HDAC9: variants seen among roughly 807,000 people sequenced by gnomAD.
HDAC9 encodes the protein histone deacetylase 9, also known as MEF-2 interacting transcription repressor (MITR) protein.
Under a neutral mutation model 139.4 loss-of-function variants are expected in HDAC9, and 41 were observed. The ratio of observed to expected loss-of-function variants is 0.29; its 90% CI spans 0.23 to 0.38. HDAC9 has a LOEUF of 0.38. Ranked by LOEUF, HDAC9 falls within the 10% of genes least tolerant of loss-of-function variation. The pLI, the probability that HDAC9 is intolerant of heterozygous loss-of-function variation, is 1.00. For missense variants in HDAC9, 1,147 were observed against 1,297.0 expected (o/e 0.88, Z 1.78); for synonymous variants, 517 against 476.2 (o/e 1.09, Z -1.12).
At chr7:18,314,556 T>C (rs563551620) in intron 1 of HDAC9, among the ~76,000 whole-genome samples, 1 of 152,322 alleles carries the variant, frequency 6.6e-6, no homozygotes, top group African/African-American at 2.4e-5. Context: ...CAAGAAAATC[T>C]AGAAGAGTTT....
At chr7:18,495,301 G>A (rs1796710363), upstream of HDAC9, among the ~76,000 whole-genome samples, 1 of 152,048 alleles carries the variant, frequency 6.6e-6, no homozygotes, top group Non-Finnish European at 1.5e-5. Context: ...TATTATTTTA[G>A]AACCAATACA....
chr7:18,704,402 T>A (rs1246316838), intron 12 of HDAC9, among the ~76,000 whole-genome samples: 1 of 152,242 alleles, frequency 6.6e-6, no homozygotes, highest in South Asian at 2.1e-4. Flanking sequence ...TTCTGTGTAC[T>A]GCAGAAAACT....
chr7:18,866,906 T>G (rs1798544905), intron 21 of HDAC9, among the ~76,000 whole-genome samples: 1 of 152,170 alleles, frequency 6.6e-6, no homozygotes, highest in Non-Finnish European at 1.5e-5. Flanking sequence ...AACCAATTGT[T>G]TGGCCATTGA....
intron 22 of HDAC9, among the ~76,000 whole-genome samples, chr7:18,914,772 C>G (rs553428280): frequency 7.3e-5 from 10 of 137,330 alleles, no homozygotes; most frequent in Non-Finnish European, 1.7e-5. Context: ...AAGGTCATTA[C>G]GCTGGGAGAG....
chr7:18,482,297 T>A (rs1444048458), intron 1 of HDAC9, among the ~76,000 whole-genome samples: 1 of 144,182 alleles, frequency 6.9e-6, no homozygotes, highest in Non-Finnish European at 1.5e-5. Flanking sequence ...CAATTTCAGC[T>A]GCTTGAGAGG....
chr7:18,637,218 G>C (rs1198276055), intron 8 of HDAC9, among the ~76,000 whole-genome samples: 1 of 152,002 alleles, frequency 6.6e-6, no homozygotes, highest in East Asian at 1.9e-4. Flanking sequence ...TTACCTTTCA[G>C]GGGGGAAGAA....
At chr7:18,134,260 C>T (rs907462979) in intron 1 of HDAC9, among the ~76,000 whole-genome samples, 2 of 152,054 alleles carry the variant, frequency 1.3e-5, no homozygotes, top group Admixed American at 1.3e-4. Flanking sequence ...CAAGTATATA[C>T]CTGCTTTATT....
intron 2 of HDAC9, among the ~76,000 whole-genome samples, chr7:18,199,077 A>G (rs1476403100): frequency 6.6e-6 from 1 of 151,976 alleles, no homozygotes; most frequent in Non-Finnish European, 1.5e-5. Context: ...GCTTTTTGTC[A>G]TTAAGTTTTT....
At chr7:18,724,446 A>T (rs1275657217) in intron 12 of HDAC9, among the ~76,000 whole-genome samples, 1 of 152,182 alleles carries the variant, frequency 6.6e-6, no homozygotes, top group Non-Finnish European at 1.5e-5. Flanking sequence ...GTAAAACATA[A>T]TATACCTGGA....
intron 11 of HDAC9, among the ~76,000 whole-genome samples, chr7:18,657,240 T>C (rs1408462127): frequency 6.6e-6 from 1 of 152,176 alleles, no homozygotes; most frequent in Non-Finnish European, 1.5e-5. Flanking sequence ...AGCTTCATTT[T>C]GCTGATTGTT....
intron 21 of HDAC9, among the ~76,000 whole-genome samples, chr7:18,862,397 A>G (rs1798178526): frequency 6.6e-6 from 1 of 152,214 alleles, no homozygotes. Context: ...CTCATATAAT[A>G]GTTGAAACTA....
chr7:18,371,985 C>T (rs572035490), intron 1 of HDAC9, among the ~76,000 whole-genome samples: 1 of 152,076 alleles, frequency 6.6e-6, no homozygotes, highest in Non-Finnish European at 1.5e-5. Flanking sequence ...ACTTAGGGAC[C>T]CTTTGGATTA....
intron 2 of HDAC9, among the ~76,000 whole-genome samples, chr7:18,530,617 T>G (rs1334725311): frequency 1.3e-5 from 2 of 152,084 alleles, no homozygotes; most frequent in Non-Finnish European, 2.9e-5. Flanking sequence ...TATTTTACAT[T>G]CATTAACTTT....
rs542585019 is a variant in HDAC9, at chr7:18,239,833, A to T, written c.25+77484A>T. On this transcript the variant is annotated intron_variant, in intron 2 of 12. Transcript: ENST00000417496. ...ATCCCCTTTTATCACAATACTGGGT[A>T]AAAGTTCCAAGGTAAGTAGGCAAAT... 7.2e-5 allele frequency among the ~76,000 whole-genome samples: 11 copies of T among 152,296 alleles called. No homozygotes were observed. The South Asian group carries it at 2.3e-3, about 32-fold the overall frequency.
chr7:18,257,686 T>C (rs969006285), intron 2 of HDAC9, among the ~76,000 whole-genome samples: 6 of 152,196 alleles, frequency 3.9e-5, no homozygotes, highest in Non-Finnish European at 8.8e-5. Context: ...AAATAAATCT[T>C]TTCTGTAGGT....
intron 12 of HDAC9, among the ~76,000 whole-genome samples, chr7:18,708,408 TCTAA>T (rs1234634014): frequency 2.6e-5 from 4 of 152,214 alleles, no homozygotes; most frequent in Admixed American, 6.5e-5. Flanking sequence ...CATGGCTTTC[TCTAA>T]CTGTCACATG....
intron 2 of HDAC9, among the ~76,000 whole-genome samples, chr7:18,179,623 G>A (rs564374357): frequency 2.0e-5 from 3 of 152,014 alleles, no homozygotes; most frequent in Non-Finnish European, 4.4e-5. Context: ...AAACCCAAAC[G>A]TCTTTTCTTT....
chr7:18,414,088 A>G (rs1013931111), intron 1 of HDAC9, among the ~76,000 whole-genome samples: 1 of 152,210 alleles, frequency 6.6e-6, no homozygotes, highest in African/African-American at 2.4e-5. Context: ...GAGGTGCTGT[A>G]ACTAGAATGC....
chr7:18,236,878 T>C (rs1398411935), intron 2 of HDAC9, among the ~76,000 whole-genome samples: 1 of 152,192 alleles, frequency 6.6e-6, no homozygotes, highest in Non-Finnish European at 1.5e-5. Flanking sequence ...GACCTGATTG[T>C]GCTTAGTGCT....
Sources: gnomAD v4.1 joint callset for allele counts (sites outside exome capture counted in the v4.1 genomes callset) on GRCh38, gnomAD v4.1.1 for gene constraint, MANE v1.5 for transcripts, NCBI Gene and HGNC (gene_info 2026-07-23, HGNC 2026-07-21) for gene names.